Variants in MYO10 observed in about 807,000 individuals in gnomAD.
The protein encoded by MYO10 is unconventional myosin-X.
Under a neutral mutation model 257.3 loss-of-function variants are expected in MYO10, and 133 were observed. That is an observed-to-expected ratio of 0.52 (90% CI 0.45 to 0.60). MYO10 has a LOEUF of 0.60. Among genes scored for constraint, MYO10 ranks in the 20% least tolerant of loss-of-function variants. The pLI, the probability that MYO10 is intolerant of heterozygous loss-of-function variation, is 0.00. For missense variants in MYO10, 2,399 were observed against 2,635.7 expected (o/e 0.91, Z 1.97); for synonymous variants, 1,104 against 1,028.6 (o/e 1.07, Z -1.40).
chr5:16,891,385 AGAGAGGAAG>A (rs1745055127), intron 1 of MYO10, among the ~76,000 whole-genome samples: 2 of 141,222 alleles, frequency 1.4e-5, no homozygotes, highest in Admixed American at 1.5e-4. Context: ...GGAAGGAGAG[AGAGAGGAAG>A]GAGGAAGGAG....
At chr5:16,755,057 T>C (rs759566236) in intron 18 of MYO10, 149 bp from the exon 19 acceptor site, 49 of 438,250 alleles carry the variant, frequency 1.1e-4, no homozygotes, top group Non-Finnish European at 1.8e-4. Context: ...TTAATTGTCA[T>C]TCTAATATAA....
At position 16,701,252 on chromosome 5, in the gene MYO10, T is replaced by C. The variant is rs1432645541; in HGVS notation, c.3143A>G (p.Asp1048Gly). Residue 1048 changes from aspartate to glycine, a missense_variant, in exon 25 of 41, where the codon GAC becomes GGC. Physicochemically the swap from Asp to Gly is moderately conservative, Grantham distance 94. Transcript: ENST00000513610. This position sits in a 1 kb window ranked among gnomAD's most constrained non-coding sequence, Gnocchi z 8.1. ...DTVVPTSPSA[D>G]STVLLAPSVQ... ...TGATGGGGCGAGCAGCACCGTGCTG[T>C]CCGCACTGGGGCTGGTGGGCACCAC... 1.9e-6 allele frequency: 3 copies of C among 1,613,582 alleles called. No individual in the cohort carries two copies. The highest frequency in any genetic ancestry group is 2.2e-5 in the South Asian group (2 of 90,964).
At chr5:16,742,206 G>T (rs1368830501) in intron 19 of MYO10, 1 of 985,244 alleles carries the variant, frequency 1.0e-6, no homozygotes, top group African/African-American at 1.7e-5. Flanking sequence ...TCCACCCAGA[G>T]AACAAGAACA....
In MYO10 at chr5:16,725,078, C is replaced by CTTTTTTT. The variant is rs34100971; in HGVS notation, c.1930-13840_1930-13834dup. Among the ~76,000 whole-genome samples, 65 of 74,938 alleles carry CTTTTTTT rather than the reference C, an allele frequency of 8.7e-4. 1 individual carries two copies. Among genetic ancestry groups the CTTTTTTT allele is most frequent in the Non-Finnish European group, 1.1e-3 (45 of 42,006 alleles). The allele number at this position is 74,938 out of a possible 152,430, so 49.2% of individuals were successfully genotyped here. A position where few individuals can be genotyped will look rare whatever the true frequency, so the allele number is the denominator to read the frequency against. On this transcript the variant is annotated intron_variant, in intron 19 of 40. Coordinates refer to ENST00000513610, the MANE Select transcript of MYO10 (RefSeq NM_012334.3). ...TATACAGTTCTCTCACCTTCTTCTT[C>CTTTTTTT]TTTTTTTTTTTTTTTTTTTTTTTTT...
chr5:16,821,758 G>A (rs1024122598), intron 2 of MYO10, among the ~76,000 whole-genome samples: 21 of 151,892 alleles, frequency 1.4e-4, no homozygotes, highest in African/African-American at 2.4e-4. Flanking sequence ...GAGCCACCGC[G>A]CCCGGCCCCT....
chr5:16,749,110 C>T (rs1037038656), intron 19 of MYO10, among the ~76,000 whole-genome samples: 8 of 152,166 alleles, frequency 5.3e-5, no homozygotes, highest in East Asian at 1.9e-4. Context: ...GCAAATTTGG[C>T]TGCATGGAAA....
At chr5:16,741,790 A>G (rs1377819796) in intron 19 of MYO10, 1 of 984,830 alleles carries the variant, frequency 1.0e-6, no homozygotes, top group Admixed American at 6.1e-5. Context: ...AACAAGAAAG[A>G]GAAAAATCCC....
At chr5:16,808,132 C>G (rs564152205) in intron 3 of MYO10, among the ~76,000 whole-genome samples, 1 of 152,282 alleles carries the variant, frequency 6.6e-6, no homozygotes, top group South Asian at 2.1e-4. Flanking sequence ...CTATCTTCTA[C>G]ATAACCCAAT....
intron 3 of MYO10, among the ~76,000 whole-genome samples, chr5:16,806,161 A>G (rs1466180829): frequency 6.6e-6 from 1 of 151,846 alleles, no homozygotes; most frequent in Non-Finnish European, 1.5e-5. Flanking sequence ...CCTGGCCAAC[A>G]TGGCAAAACC....
intron 9 of MYO10, among the ~76,000 whole-genome samples, chr5:16,779,153 G>A (rs1275294357): frequency 1.3e-5 from 2 of 152,160 alleles, no homozygotes; most frequent in African/African-American, 2.4e-5. Flanking sequence ...TTTGTTATTA[G>A]CTATAGAATT....
intron 1 of MYO10, among the ~76,000 whole-genome samples, chr5:16,901,535 C>A (rs1436159130): frequency 1.3e-5 from 2 of 152,176 alleles, no homozygotes; most frequent in African/African-American, 4.8e-5. Context: ...TGACCTTCAC[C>A]TTTCGCGTCC....
intron 2 of MYO10, among the ~76,000 whole-genome samples, chr5:16,821,093 T>C (rs890411314): frequency 2.7e-5 from 4 of 147,408 alleles, no homozygotes; most frequent in Non-Finnish European, 6.0e-5. Context: ...ATACATATAA[T>C]GTATAATATA....
chr5:16,742,708 G>C (rs1192014932), intron 19 of MYO10, among the ~76,000 whole-genome samples: 3 of 151,642 alleles, frequency 2.0e-5, no homozygotes, highest in Non-Finnish European at 4.4e-5. Context: ...CTACTCGGGA[G>C]GCTGAGGCAG....
intron 19 of MYO10, among the ~76,000 whole-genome samples, chr5:16,726,668 T>A (rs533732329): frequency 6.6e-6 from 1 of 152,340 alleles, no homozygotes; most frequent in Non-Finnish European, 1.5e-5. Context: ...ACGTATTCAT[T>A]ATTTAACAAT....
rs1421134308 is a variant in MYO10 at position 16,818,103 on chromosome 5, T to C, written c.185A>G (p.Glu62Gly). 6.2e-7 allele frequency: 1 copy of C among 1,612,036 alleles called. No homozygotes were observed. The highest frequency in any genetic ancestry group is 8.5e-7 in the Non-Finnish European group (1 of 1,178,584). ...GGACGCCATGTCATCCACGCCCTCCTCGTTCGTGGGGTGCATAGCAGTCAC... is the reference window on the plus strand; with the variant it reads ...GGACGCCATGTCATCCACGCCCTCCCCGTTCGTGGGGTGCATAGCAGTCAC... Reference protein sequence around the residue: ...QKVTAMHPTNEEGVDDMASLT... With the variant: ...QKVTAMHPTNGEGVDDMASLT... Residue 62 changes from glutamate to glycine, a missense_variant, in exon 3 of 41, where the codon GAG (glutamate) becomes GGG (glycine). By Grantham distance (98) the Glu-to-Gly change is moderately conservative. This residue lies in a region of MYO10 where 242 missense variants were observed against 249.5 expected (regional missense o/e 0.97). Coordinates refer to ENST00000513610, the MANE Select transcript of MYO10 (RefSeq NM_012334.3).
At chr5:16,817,371 A>C (rs899637417) in intron 3 of MYO10, among the ~76,000 whole-genome samples, 3 of 152,244 alleles carry the variant, frequency 2.0e-5, no homozygotes, top group African/African-American at 7.2e-5. Context: ...CAGATAATGC[A>C]GTATCTGTAC....
intron 2 of MYO10, among the ~76,000 whole-genome samples, chr5:16,823,714 T>A (rs969862707): frequency 6.7e-6 from 1 of 148,836 alleles, no homozygotes; most frequent in African/African-American, 2.5e-5. Context: ...CCTCGTGATC[T>A]GCCCGCCTTG....
rs117251088 is a variant in MYO10 at position 16,925,286 on chromosome 5, T to C, written c.21+10502A>G. ...GTGAAACATGCAACAAAAGTAATAA[T>C]TGAAGAAAATATTTAAAAATCAGAA... On this transcript the variant is annotated intron_variant, in intron 1 of 40. Coordinates refer to ENST00000513610, the MANE Select transcript of MYO10 (RefSeq NM_012334.3). Among the ~76,000 whole-genome samples, 110 of 152,264 alleles carry C rather than the reference T, an allele frequency of 7.2e-4. 3 individuals are homozygous for C. In the East Asian group the frequency reaches 0.02, roughly 27 times the overall value.
intron 1 of MYO10, among the ~76,000 whole-genome samples, chr5:16,923,038 A>G (rs1746031809): frequency 6.6e-6 from 1 of 152,030 alleles, no homozygotes; most frequent in Non-Finnish European, 1.5e-5. Context: ...CTCAAAAAAG[A>G]AAGAAAAGGA....
Sources: allele counts gnomAD v4.1 joint callset (sites outside exome capture counted in the v4.1 genomes callset), GRCh38; gene constraint gnomAD v4.1.1; regional missense constraint gnomAD v4.1.1; non-coding constraint Gnocchi (gnomAD v3.1); transcripts MANE v1.5; gene names NCBI Gene and HGNC (gene_info 2026-07-23, HGNC 2026-07-21).